SEPTIN9: variants seen among roughly 807,000 people sequenced by gnomAD.
The protein encoded by SEPTIN9 is septin-9.
In SEPTIN9, 13 loss-of-function variants were observed where a neutral mutation model predicts 56.6. That is an observed-to-expected ratio of 0.23 (90% confidence interval 0.15 to 0.37). The LOEUF (loss-of-function observed/expected upper bound fraction) is 0.37, where lower values mean the gene tolerates loss of function less well. Among genes scored for constraint, SEPTIN9 ranks in the 10% least tolerant of loss-of-function variants. SEPTIN9 has a pLI of 1.00. For synonymous variants in SEPTIN9, 332 were observed against 334.1 expected (o/e 0.99, Z 0.07); for missense variants, 650 against 823.1 (o/e 0.79, Z 2.57).
rs139006873 is a variant in SEPTIN9 at position 77,460,363 on chromosome 17, G to A, written c.722-21781G>A. Among the ~76,000 whole-genome samples, 116 of 152,278 alleles carry A rather than the reference G, an allele frequency of 7.6e-4. 1 individual carries two copies. Among genetic ancestry groups the A allele is most frequent in the African/African-American group, 2.5e-3 (102 of 41,554 alleles). On this transcript the variant is annotated intron_variant, in intron 3 of 11. Transcript: ENST00000427177. ...CTGGGCTGGCTCCTCACAGCTCACC[G>A]TGGTGCTCCCCGAGGACTGCTGGGG... is the stretch of plus-strand genomic sequence containing the variant.
chr17:77,356,989 TG>T (rs950144168), intron 2 of SEPTIN9, among the ~76,000 whole-genome samples: 3 of 151,674 alleles, frequency 2.0e-5, no homozygotes, highest in Non-Finnish European at 4.4e-5. Context: ...AGAACACAGC[TG>T]AGGAAGCTGT....
intron 7 of SEPTIN9, among the ~76,000 whole-genome samples, chr17:77,489,758 C>T (rs1266312767): frequency 6.6e-6 from 1 of 152,216 alleles, no homozygotes; most frequent in Non-Finnish European, 1.5e-5. Context: ...CCGGAGTTTT[C>T]GAGCCCACCC....
intron 3 of SEPTIN9, chr17:77,426,975 G>A (rs1381899365): frequency 6.6e-6 from 1 of 152,234 alleles, no homozygotes; most frequent in Non-Finnish European, 1.5e-5. Flanking sequence ...CGATTTGTCT[G>A]TATGCAGACA....
chr17:77,413,960 C>CTCT (rs34029658), intron 3 of SEPTIN9, among the ~76,000 whole-genome samples: 56,150 of 146,064 alleles, frequency 0.38, 11,640 homozygotes, highest in African/African-American at 0.48. Flanking sequence ...TTTTTTTTCC[C>CTCT]CTCTCTCTTT....
At chr17:77,473,087 T>C (rs765140079) in intron 3 of SEPTIN9, among the ~76,000 whole-genome samples, 4 of 152,258 alleles carry the variant, frequency 2.6e-5, no homozygotes, top group Non-Finnish European at 5.9e-5. Flanking sequence ...TTATCGTCTC[T>C]GTCCACCCGC....
chr17:77,385,813 A>G (rs2035316777), intron 2 of SEPTIN9, among the ~76,000 whole-genome samples: 1 of 152,192 alleles, frequency 6.6e-6, no homozygotes, highest in Non-Finnish European at 1.5e-5. Context: ...AATGTGGGCC[A>G]AAGGCAGGGT....
rs571489587 is a variant in SEPTIN9 at position 77,316,387 on chromosome 17, G to A, written c.76+9190G>A. Reference sequence around the variant, plus strand: ...CCATTTCAAGTGATCCCCCGCCTGGGCCAAAATGTTTGGATTTTCAGGCAC... The same window carrying A: ...CCATTTCAAGTGATCCCCCGCCTGGACCAAAATGTTTGGATTTTCAGGCAC... On this transcript the variant is annotated intron_variant, in intron 2 of 11. Transcript: ENST00000427177. Among the ~76,000 whole-genome samples, 3 of 152,322 alleles carry A rather than the reference G, an allele frequency of 2.0e-5. No individual in the cohort carries two copies. The South Asian group carries it at 6.2e-4, about 32-fold the overall frequency.
At position 77,389,196 on chromosome 17, in the gene SEPTIN9, C is replaced by T. The variant is rs2035447505; in HGVS notation, c.77-12863C>T. Among the ~76,000 whole-genome samples the T allele has an allele frequency of 2.0e-5, 3 of 152,088 alleles. No individual in the cohort carries two copies. Among genetic ancestry groups the T allele is most frequent in the African/African-American group, 2.4e-5 (1 of 41,414 alleles). ...TTCTAAGAGCAGCATGCGTGAAGCC[C>T]GGGGTCTGGGCAAAGGAGTGTTTGG... On this transcript the variant is annotated intron_variant, in intron 2 of 11. Transcript: ENST00000427177. The surrounding 1 kb of genome is among the most constrained non-coding windows in gnomAD (Gnocchi z 4.3).
chr17:77,499,579 G>T lies in SEPTIN9; in HGVS notation c.*921G>T. 1 of 448,946 alleles carries T rather than the reference G, an allele frequency of 2.2e-6. No individual in the cohort carries two copies. Among genetic ancestry groups the T allele is most frequent in the Non-Finnish European group, 4.3e-6 (1 of 234,986 alleles). The allele number at this position is 448,946 out of a possible 1,614,324, so 27.8% of individuals were successfully genotyped here. A position where few individuals can be genotyped will look rare whatever the true frequency, so the allele number is the denominator to read the frequency against. On this transcript the variant is annotated 3_prime_UTR_variant, in exon 12 of 12. Coordinates refer to ENST00000427177, the MANE Select transcript of SEPTIN9 (RefSeq NM_001113491.2). Reference sequence around the variant, plus strand: ...AGGTTGGCGGGGGCACGTGTGGGCCGTGGCTTGGGCTGGTCAGAGTGGCGT... The same window carrying T: ...AGGTTGGCGGGGGCACGTGTGGGCCTTGGCTTGGGCTGGTCAGAGTGGCGT...
At chr17:77,427,721 C>G (rs1332435761) in intron 3 of SEPTIN9, among the ~76,000 whole-genome samples, 4 of 152,200 alleles carry the variant, frequency 2.6e-5, no homozygotes, top group African/African-American at 9.7e-5. Context: ...GGGTCTTGAG[C>G]CCTGTCTGTT....
chr17:77,492,582 C>T lies in SEPTIN9; in HGVS notation c.1381-39C>T. The T allele has an allele frequency of 6.3e-7, 1 of 1,583,126 alleles. No homozygotes were observed. Among genetic ancestry groups the T allele is most frequent in the East Asian group, 2.2e-5 (1 of 44,718 alleles). On this transcript the variant is annotated intron_variant, in intron 8 of 11. Transcript: ENST00000427177. The surrounding 1 kb of genome is among the most constrained non-coding windows in gnomAD (Gnocchi z 5.4). ...AACACCAGTGGGTGGGTAGAGCTTGCCACAGGGATGGGCCCATCTCTCTCC... is the reference window on the plus strand; with the variant it reads ...AACACCAGTGGGTGGGTAGAGCTTGTCACAGGGATGGGCCCATCTCTCTCC...
Position 77,488,296 on chromosome 17 carries a change from G to A in SEPTIN9, c.1099G>A (p.Gly367Arg). 1.2e-6 allele frequency: 2 copies of A among 1,613,700 alleles called. No homozygotes were observed. The highest frequency in any genetic ancestry group is 1.7e-6 in the Non-Finnish European group (2 of 1,179,822). The change falls in exon 6 of 12, where the codon GGG becomes AGG. Residue 367 changes from glycine (G) to arginine (R), a missense_variant. Around this residue, in one of 2 missense-constraint regions of SEPTIN9, gnomAD observed 333 missense variants for 494.0 expected, o/e 0.67. Transcript: ENST00000427177. ...GACAGTGATTGACACACCAGGGTTC[G>A]GGGACCACATCAACAACGAGAACTG... The part of the protein sequence containing the change: ...KLTVIDTPGF[G>R]DHINNENCWQ...
intron 3 of SEPTIN9, among the ~76,000 whole-genome samples, chr17:77,422,517 C>T (rs1241376020): frequency 6.6e-6 from 1 of 152,100 alleles, no homozygotes; most frequent in East Asian, 1.9e-4. Flanking sequence ...GGATGGAGGT[C>T]AGGGAAGCTG....
chr17:77,484,831 G>A (rs1261069880), intron 4 of SEPTIN9, among the ~76,000 whole-genome samples: 3 of 93,388 alleles, frequency 3.2e-5, no homozygotes, highest in African/African-American at 1.8e-4. Flanking sequence ...TGGTGGTGGC[G>A]ATGGTGGTTG....
Position 77,319,019 on chromosome 17 carries a change from C to T in SEPTIN9, c.76+11822C>T, listed in dbSNP as rs1166748177. The stretch of plus-strand genomic sequence containing the variant: ...CTGTGCGGCCAGGCAGGAAGGCTTC[C>T]GTGGTGCGGCCACGCGTCCTCCCTT... On this transcript the variant is annotated intron_variant, in intron 2 of 11. Transcript: ENST00000427177. This position sits in a 1 kb window ranked among gnomAD's most constrained non-coding sequence, Gnocchi z 5.3. Among the ~76,000 whole-genome samples, 4 of 152,226 alleles carry T rather than the reference C, an allele frequency of 2.6e-5. No homozygotes were observed. The highest frequency in any genetic ancestry group is 6.5e-5 in the Admixed American group (1 of 15,282).
chr17:77,330,414 T>C lies in SEPTIN9; in HGVS notation c.76+23217T>C, dbSNP rs959349549. ...ATCATGGGACTGACACCCCCTCATG[T>C]TGATGTGGGCCCTGAGCCATAATCT... On this transcript the variant is annotated intron_variant, in intron 2 of 11. Transcript: ENST00000427177. The surrounding 1 kb of genome is among the most constrained non-coding windows in gnomAD (Gnocchi z 4.4). Among the ~76,000 whole-genome samples the C allele has an allele frequency of 1.3e-5, 2 of 152,178 alleles. No homozygotes were observed.
At chr17:77,365,456 T>C (rs140776377) in intron 2 of SEPTIN9, among the ~76,000 whole-genome samples, 23 of 152,246 alleles carry the variant, frequency 1.5e-4, no homozygotes, top group Admixed American at 1.0e-3. Context: ...CTTTTCTTTC[T>C]CTCTCTTTCC....
chr17:77,431,416 A>G (rs2037127586), intron 3 of SEPTIN9, among the ~76,000 whole-genome samples: 1 of 152,266 alleles, frequency 6.6e-6, no homozygotes, highest in African/African-American at 2.4e-5. Context: ...GGAAATGATC[A>G]ATAATAATTG....
intron 7 of SEPTIN9, 55 bp downstream of exon 7, chr17:77,488,919 C>T: frequency 6.2e-7 from 1 of 1,603,372 alleles, no homozygotes; most frequent in Non-Finnish European, 8.5e-7. Context: ...TTCCCTCTGT[C>T]CCCTGGGACT....
Sources: allele counts gnomAD v4.1 joint callset (sites outside exome capture counted in the v4.1 genomes callset), GRCh38; gene constraint gnomAD v4.1.1; regional missense constraint gnomAD v4.1.1; non-coding constraint Gnocchi (gnomAD v3.1); transcripts MANE v1.5; gene names NCBI Gene and HGNC (gene_info 2026-07-23, HGNC 2026-07-21).